The following TRPM3 variants were observed in gnomAD, a reference collection of about 807,000 sequenced individuals.
The protein encoded by TRPM3 is transient receptor potential cation channel subfamily M member 3, also known as long transient receptor potential channel 3.
Under a neutral mutation model 181.2 loss-of-function variants are expected in TRPM3, and 77 were observed. The observed-to-expected ratio is 0.42, with a 90% CI of 0.35 to 0.51. The LOEUF (loss-of-function observed/expected upper bound fraction) is 0.51. TRPM3 is among the 20% of genes least tolerant of loss of function. TRPM3 has a pLI of 0.01. For missense variants in TRPM3, 1,759 were observed against 2,196.7 expected, an observed-to-expected ratio of 0.80 and a Z score of 3.98; for synonymous variants, 745 against 796.4, an observed-to-expected ratio of 0.94 and a Z score of 1.09.
rs547818667 is a variant in TRPM3 at position 71,010,205 on chromosome 9, G to C, written c.177+110973C>G. Among the ~76,000 whole-genome samples, 15 of 152,068 alleles carry C rather than the reference G, an allele frequency of 9.9e-5. No homozygotes were observed. The East Asian group carries it at 2.5e-3, about 25-fold the overall frequency. On this transcript the variant is annotated intron_variant, in intron 1 of 25. Coordinates refer to ENST00000677713, the MANE Select transcript of TRPM3 (RefSeq NM_001366145.2). ...TTTGGAGTAAGACCTCAAAAACATA[G>C]GCAACAAATGCAAAAAAGACAAATG...
chr9:71,357,381 A>G (rs1414691440), intron 1 of TRPM3, among the ~76,000 whole-genome samples: 1 of 152,194 alleles, frequency 6.6e-6, no homozygotes, highest in Non-Finnish European at 1.5e-5. Flanking sequence ...CCAGACAGTG[A>G]GGGATGTGTA....
chr9:70,834,814 C>T (rs1180728262), intron 5 of TRPM3, among the ~76,000 whole-genome samples: 1 of 152,194 alleles, frequency 6.6e-6, no homozygotes, highest in East Asian at 1.9e-4. Context: ...CAGAACCACT[C>T]AGACAAGCCA....
intron 1 of TRPM3, among the ~76,000 whole-genome samples, chr9:70,928,134 C>A (rs2096739863): frequency 6.6e-6 from 1 of 152,104 alleles, no homozygotes; most frequent in Non-Finnish European, 1.5e-5. Context: ...AGAGATAGAT[C>A]TAGGGCCAAA....
At chr9:70,803,488 G>T (rs1367540815) in intron 6 of TRPM3, among the ~76,000 whole-genome samples, 17 of 134,318 alleles carry the variant, frequency 1.3e-4, no homozygotes, top group African/African-American at 4.0e-4. Flanking sequence ...GTCTCGCTCA[G>T]CCTGGGCTGG....
chr9:71,318,891 C>G (rs547792522), intron 1 of TRPM3, among the ~76,000 whole-genome samples: 1 of 152,168 alleles, frequency 6.6e-6, no homozygotes, highest in South Asian at 2.1e-4. Flanking sequence ...TAAACTTTCC[C>G]TTGGTATCTA....
intron 1 of TRPM3, among the ~76,000 whole-genome samples, chr9:71,366,343 G>A (rs118170406): frequency 0.01 from 1,550 of 152,234 alleles, 13 homozygotes; most frequent in South Asian, 0.016. Context: ...GGGGTACCTG[G>A]GAGTGGGACA....
At chr9:70,919,844 T>G (rs1276623736) in intron 1 of TRPM3, among the ~76,000 whole-genome samples, 1 of 152,164 alleles carries the variant, frequency 6.6e-6, no homozygotes, top group African/African-American at 2.4e-5. Context: ...TTCATTCCCT[T>G]ACTATATTCT....
At chr9:71,421,647 T>C (rs775078773) in intron 1 of TRPM3, among the ~76,000 whole-genome samples, 1 of 151,966 alleles carries the variant, frequency 6.6e-6, no homozygotes, top group Admixed American at 6.6e-5. Flanking sequence ...GCAGACATCA[T>C]AGGGTATACT....
intron 1 of TRPM3, among the ~76,000 whole-genome samples, chr9:71,346,091 G>A (rs1383515116): frequency 1.3e-5 from 2 of 152,076 alleles, no homozygotes; most frequent in East Asian, 3.8e-4. Flanking sequence ...AATATTCATA[G>A]CAGTTTTACT....
chr9:71,100,169 C>T (rs920646116), intron 1 of TRPM3, among the ~76,000 whole-genome samples: 1 of 152,076 alleles, frequency 6.6e-6, no homozygotes, highest in African/African-American at 2.4e-5. Context: ...CAAATTTTAA[C>T]TCCATTGATT....
At chr9:70,629,911 G>A (rs1032692183) in intron 12 of TRPM3, among the ~76,000 whole-genome samples, 2 of 152,158 alleles carry the variant, frequency 1.3e-5, no homozygotes, top group African/African-American at 4.8e-5. Flanking sequence ...GAAGAAATCG[G>A]TTTTATAACA....
Position 71,001,812 on chromosome 9 carries a change from T to G in TRPM3, c.177+119366A>C, listed in dbSNP as rs139028231. ...TCATCTATTGTGTGGTGGTAGCAACTTGGAACTTCTGTCACTTTTGTTTTT... is the reference window on the plus strand; with the variant it reads ...TCATCTATTGTGTGGTGGTAGCAACGTGGAACTTCTGTCACTTTTGTTTTT... On this transcript the variant is annotated intron_variant, in intron 1 of 25. Transcript: ENST00000677713. Among the ~76,000 whole-genome samples the G allele has an allele frequency of 6.8e-3, 1,040 of 152,336 alleles. 5 individuals carry two copies. Among genetic ancestry groups the G allele is most frequent in the Non-Finnish European group, 0.011 (746 of 68,020 alleles).
intron 1 of TRPM3, among the ~76,000 whole-genome samples, chr9:71,260,742 C>G (rs1372200244): frequency 6.6e-6 from 1 of 152,184 alleles, no homozygotes; most frequent in African/African-American, 2.4e-5. Flanking sequence ...TATCCTGAGA[C>G]TTTGCTGAAG....
intron 1 of TRPM3, among the ~76,000 whole-genome samples, chr9:70,925,531 GAA>G (rs530735281): frequency 6.6e-6 from 1 of 150,670 alleles, no homozygotes. Context: ...GTAGAATATG[GAA>G]AAAAATATAT....
chr9:71,228,885 A>C (rs1194391480), intron 1 of TRPM3, among the ~76,000 whole-genome samples: 1 of 152,166 alleles, frequency 6.6e-6, no homozygotes, highest in Non-Finnish European at 1.5e-5. Flanking sequence ...CAAAATGTCC[A>C]TACTTCCAAA....
chr9:70,667,388 G>T (rs1286431003), intron 9 of TRPM3, among the ~76,000 whole-genome samples: 2 of 152,128 alleles, frequency 1.3e-5, no homozygotes, highest in African/African-American at 2.4e-5. Flanking sequence ...AGACCAAGCT[G>T]CCAGCACACT....
intron 1 of TRPM3, among the ~76,000 whole-genome samples, chr9:70,938,848 C>T (rs1479235516): frequency 1.3e-5 from 2 of 151,882 alleles, no homozygotes; most frequent in Non-Finnish European, 2.9e-5. Flanking sequence ...GTCCCAGCTA[C>T]TTGGGAAGCT....
intron 1 of TRPM3, among the ~76,000 whole-genome samples, chr9:71,420,507 CAAAG>C (rs1266042403): frequency 6.5e-5 from 7 of 107,090 alleles, no homozygotes; most frequent in Non-Finnish European, 1.4e-4. Context: ...CTCGCAGCAA[CAAAG>C]AAAGAAAAAG....
intron 1 of TRPM3, among the ~76,000 whole-genome samples, chr9:71,424,296 C>T (rs576390214): frequency 2.2e-4 from 34 of 152,176 alleles, no homozygotes; most frequent in Middle Eastern, 3.4e-3. Flanking sequence ...AGCCATTTTG[C>T]GGCACTTTTT....
Sources: gnomAD v4.1 joint callset for allele counts (sites outside exome capture counted in the v4.1 genomes callset) on GRCh38, gnomAD v4.1.1 for gene constraint, MANE v1.5 for transcripts, NCBI Gene and HGNC (gene_info 2026-07-23, HGNC 2026-07-21) for gene names.